DNAJA1: variants seen among roughly 807,000 people sequenced by gnomAD.
The protein encoded by DNAJA1 is dnaJ homolog subfamily A member 1.
DNAJA1 carries 26 observed loss-of-function variants against 47.6 expected under a neutral mutation model. The observed-to-expected ratio is 0.55, with a 90% CI of 0.40 to 0.76. DNAJA1 has a LOEUF of 0.76. Among genes scored for constraint, DNAJA1 ranks in the 30% least tolerant of loss-of-function variants. The pLI is 0.00. For missense variants in DNAJA1, 315 were observed against 485.0 expected (o/e 0.65, Z 3.29); for synonymous variants, 165 against 158.4 (o/e 1.04, Z -0.31).
chr9:33,028,879 G>A (rs1337840781), intron 3 of DNAJA1, among the ~76,000 whole-genome samples: 1 of 152,200 alleles, frequency 6.6e-6, no homozygotes, highest in African/African-American at 2.4e-5. Flanking sequence ...TTTCATGCTT[G>A]ATTAGAAAGT....
chr9:33,030,604 A>T lies in DNAJA1; in HGVS notation c.580A>T (p.Lys194Ter). 6.2e-7 allele frequency: 1 copy of T among 1,614,170 alleles called. No homozygotes were observed. The highest frequency in any genetic ancestry group is 8.5e-7 in the Non-Finnish European group (1 of 1,179,994). The change falls in exon 5 of 9, where the codon AAA becomes TAA. Residue 194 changes from lysine to a stop codon, truncating the protein, a stop_gained. Coordinates refer to ENST00000330899, the MANE Select transcript of DNAJA1 (RefSeq NM_001539.4). LOFTEE classifies it high-confidence loss of function. ...GCGGATCAGTCCTAAAGATAGATGT[A>T]AAAGCTGCAACGGAAGGAAGATAGT... ...GERISPKDRC[K>*]SCNGRKIVRE... is the part of the protein sequence containing the mutation.
At chr9:33,026,667 A>G in intron 2 of DNAJA1, 51 bp downstream of exon 2, 4 of 1,575,950 alleles carry the variant, frequency 2.5e-6, no homozygotes, top group Non-Finnish European at 3.4e-6. Flanking sequence ...TGCCAGACGT[A>G]TAGTATTTCT....
intron 6 of DNAJA1, among the ~76,000 whole-genome samples, chr9:33,035,358 G>A (rs541766387): frequency 3.0e-4 from 46 of 151,764 alleles, no homozygotes; most frequent in South Asian, 8.3e-4. Flanking sequence ...GCAAAACTTG[G>A]TCTCAAAAAA....
rs982199313 is a variant in DNAJA1 at position 33,025,701 on chromosome 9, G to T, written c.-11+318G>T. 4.0e-3 allele frequency among the ~76,000 whole-genome samples: 606 copies of T among 151,756 alleles called. 2 individuals carry two copies. Among genetic ancestry groups the T allele is most frequent in the African/African-American group, 0.013 (520 of 41,322 alleles). On this transcript the variant is annotated intron_variant, in intron 1 of 8. Transcript: ENST00000330899. ...CCCCGTCCGTGCTCGCTCGGGGTGGGGGGGGGGAGTGGGGTTGGCGACCCT... is the reference window on the plus strand; with the variant it reads ...CCCCGTCCGTGCTCGCTCGGGGTGGTGGGGGGGAGTGGGGTTGGCGACCCT...
intron 6 of DNAJA1, 47 bp from the exon 7 acceptor site, chr9:33,036,527 C>T (rs1839036690): frequency 1.5e-6 from 2 of 1,325,970 alleles, no homozygotes; most frequent in East Asian, 2.4e-5. Context: ...GGTACATCTA[C>T]TGATTCGTGA....
At chr9:33,030,859 C>T (rs1838949990) in intron 5 of DNAJA1, among the ~76,000 whole-genome samples, 192 bp downstream of exon 5, 1 of 152,132 alleles carries the variant, frequency 6.6e-6, no homozygotes, top group Admixed American at 6.5e-5. Flanking sequence ...ATTACTAATA[C>T]AGAATATATT....
chr9:33,026,833 T>A lies in DNAJA1; in HGVS notation c.153T>A (p.Ala51=), dbSNP rs1838875428. 1 of 1,613,718 alleles carries A rather than the reference T, an allele frequency of 6.2e-7. No homozygotes were observed. The highest frequency in any genetic ancestry group is 8.5e-7 in the Non-Finnish European group (1 of 1,179,966). Residue 51 remains alanine, a synonymous_variant, in exon 3 of 9, where the codon GCT becomes GCA. Transcript: ENST00000330899. ...EGEKFKQISQ[A]YEVLSDAKKR... Reference sequence around the variant, plus strand: ...AACAGTTTAAACAGATTTCTCAAGCTTACGAAGTTCTCTCTGATGCAAAGA... The same window carrying A: ...AACAGTTTAAACAGATTTCTCAAGCATACGAAGTTCTCTCTGATGCAAAGA...
chr9:33,038,736 G>T lies in DNAJA1; in HGVS notation c.1027G>T (p.Glu343Ter), dbSNP rs1261851810. 1 of 1,614,138 alleles carries T rather than the reference G, an allele frequency of 6.2e-7. No homozygotes were observed. The highest frequency in any genetic ancestry group is 1.7e-5 in the Admixed American group (1 of 60,016). ...FLSPDKLSLL[E>*]KLLPERKEVE... is the part of the protein sequence containing the mutation. ...CTCTCCTGATAAACTGTCTTTGCTG[G>T]AAAAACTCCTACCCGAGAGGAAGGA... The change falls in exon 9 of 9, where the codon GAA (glutamate) becomes TAA (stop). Residue 343 changes from glutamate to a stop codon, truncating the protein, a stop_gained. Coordinates refer to ENST00000330899, the MANE Select transcript of DNAJA1 (RefSeq NM_001539.4). LOFTEE classifies it high-confidence loss of function.
intron 7 of DNAJA1, 49 bp downstream of exon 7, chr9:33,036,738 T>G: frequency 2.2e-6 from 3 of 1,381,104 alleles, no homozygotes; most frequent in Non-Finnish European, 3.0e-6. Context: ...TCTAGTATTT[T>G]CCTTGTCTCC....
At chr9:33,034,362 A>G in intron 6 of DNAJA1, 32 bp downstream of exon 6, 2 of 1,538,342 alleles carry the variant, frequency 1.3e-6, no homozygotes, top group Non-Finnish European at 1.8e-6. Flanking sequence ...TCAAATTGAT[A>G]TCACATATTT....
chr9:33,037,224 C>T, intron 8 of DNAJA1, 109 bp downstream of exon 8: 1 of 836,380 alleles, frequency 1.2e-6, no homozygotes, highest in South Asian at 1.8e-5. Context: ...GTAATCCCCG[C>T]ATTTTGAGAG....
At chr9:33,028,137 A>G (rs920996081) in intron 3 of DNAJA1, among the ~76,000 whole-genome samples, 2 of 151,708 alleles carry the variant, frequency 1.3e-5, no homozygotes, top group African/African-American at 2.4e-5. Flanking sequence ...ATTTGATGGT[A>G]GGTACAGTGG....
At chr9:33,030,093 T>A in intron 4 of DNAJA1, 104 bp downstream of exon 4, 1 of 1,094,824 alleles carries the variant, frequency 9.1e-7, no homozygotes, top group Non-Finnish European at 1.3e-6. Flanking sequence ...AATTGATTCA[T>A]GTACACTACC....
At chr9:33,035,187 G>T (rs570213784) in intron 6 of DNAJA1, among the ~76,000 whole-genome samples, 3 of 152,160 alleles carry the variant, frequency 2.0e-5, no homozygotes, top group African/African-American at 7.2e-5. Flanking sequence ...AGGAGTTCAA[G>T]ACCAGCCTAG....
chr9:33,037,271 G>T, intron 8 of DNAJA1, 156 bp downstream of exon 8: 3 of 463,674 alleles, frequency 6.5e-6, no homozygotes, highest in Non-Finnish European at 1.2e-5. Flanking sequence ...CTGGAGTTTT[G>T]AGAACAGCCT....
At chr9:33,038,591 T>G in intron 8 of DNAJA1, 94 bp from the exon 9 acceptor site, 1 of 1,113,970 alleles carries the variant, frequency 9.0e-7, no homozygotes, top group Non-Finnish European at 1.3e-6. Context: ...AAATATTACG[T>G]GTTTACATGT....
At chr9:33,025,618 A>C (rs1269827068) in intron 1 of DNAJA1, among the ~76,000 whole-genome samples, 1 of 151,418 alleles carries the variant, frequency 6.6e-6, no homozygotes, top group African/African-American at 2.4e-5. Flanking sequence ...CCAGCCTGGG[A>C]TCTCCAAGGA....
Position 33,038,855 on chromosome 9 carries a change from G to C in DNAJA1, c.1146G>C (p.Glu382Asp), listed in dbSNP as rs1381929752. 1 of 1,613,852 alleles carries C rather than the reference G, an allele frequency of 6.2e-7. No homozygotes were observed. Among genetic ancestry groups the C allele is most frequent in the Non-Finnish European group, 8.5e-7 (1 of 1,179,992 alleles). Residue 382 changes from glutamate to aspartate, a missense_variant, in exon 9 of 9, where the codon GAG (glutamate) becomes GAC (aspartate). Coordinates refer to ENST00000330899, the MANE Select transcript of DNAJA1 (RefSeq NM_001539.4). ...GCCACTACAATGGAGAAGCATATGA[G>C]GATGATGAACATCATCCCAGAGGTG... is the stretch of plus-strand genomic sequence containing the variant. ...RRRHYNGEAY[E>D]DDEHHPRGGV...
At chr9:33,030,366 A>G (rs1024175595) in intron 4 of DNAJA1, 74 bp from the exon 5 acceptor site, 3 of 1,397,252 alleles carry the variant, frequency 2.1e-6, no homozygotes, top group Non-Finnish European at 3.0e-6. Flanking sequence ...GCATTTAGGA[A>G]TTGTCTTCTT....
Sources: gnomAD v4.1 joint callset for allele counts (sites outside exome capture counted in the v4.1 genomes callset) on GRCh38, gnomAD v4.1.1 for gene constraint, MANE v1.5 for transcripts, NCBI Gene and HGNC (gene_info 2026-07-23, HGNC 2026-07-21) for gene names.